Variants in ARHGAP32 observed in about 807,000 individuals in gnomAD.
ARHGAP32 encodes rho GTPase-activating protein 32.
Under a neutral mutation model 186.5 loss-of-function variants are expected in ARHGAP32, and 51 were observed. The ratio of observed to expected loss-of-function variants is 0.27; its 90% CI spans 0.22 to 0.35. The LOEUF (loss-of-function observed/expected upper bound fraction) is 0.35. ARHGAP32 is among the 10% of genes least tolerant of loss of function. The pLI is 1.00. For synonymous variants in ARHGAP32, 950 were observed against 964.3 expected (o/e 0.99, Z 0.27); for missense variants, 2,186 against 2,623.5 (o/e 0.83, Z 3.64).
chr11:129,250,835 G>A (rs1233481872), intron 1 of ARHGAP32, among the ~76,000 whole-genome samples: 1 of 152,106 alleles, frequency 6.6e-6, no homozygotes, highest in Non-Finnish European at 1.5e-5. Context: ...AGAAAAGCAA[G>A]AAGGAAGAAA....
chr11:129,158,579 C>T (rs1248470476), intron 2 of ARHGAP32, among the ~76,000 whole-genome samples: 1 of 152,154 alleles, frequency 6.6e-6, no homozygotes, highest in Non-Finnish European at 1.5e-5. Context: ...TAGAGACCTA[C>T]AAAGAGACTT....
At chr11:129,077,446 G>GTGC (rs1941078892) in intron 6 of ARHGAP32, among the ~76,000 whole-genome samples, 1 of 152,106 alleles carries the variant, frequency 6.6e-6, no homozygotes, top group South Asian at 2.1e-4. Flanking sequence ...TATAAACTTG[G>GTGC]TGCTGTTGAT....
chr11:129,099,090 T>C (rs181876842), intron 5 of ARHGAP32, among the ~76,000 whole-genome samples: 9 of 152,194 alleles, frequency 5.9e-5, no homozygotes, highest in East Asian at 3.9e-4. Flanking sequence ...AGAAAACATA[T>C]AGAAAAATGA....
intron 2 of ARHGAP32, among the ~76,000 whole-genome samples, chr11:129,129,142 G>A (rs1166759091): frequency 6.0e-5 from 9 of 150,280 alleles, no homozygotes; most frequent in African/African-American, 2.2e-4. Context: ...ACTGAGGAGT[G>A]TCTCTGCCCG....
chr11:129,024,315 T>C (rs1364312637), intron 11 of ARHGAP32: 1 of 219,452 alleles, frequency 4.6e-6, no homozygotes, highest in African/African-American at 2.3e-5. Context: ...CAGTATGAAA[T>C]TGATATTAAA....
chr11:129,225,049 G>A (rs1223372608), intron 1 of ARHGAP32, among the ~76,000 whole-genome samples: 1 of 152,112 alleles, frequency 6.6e-6, no homozygotes, highest in Non-Finnish European at 1.5e-5. Flanking sequence ...TAAGGCTGCA[G>A]TGAGCTATGA....
rs138368931 is a variant in ARHGAP32 at position 129,101,145 on chromosome 11, C to T, written c.445-7438G>A. On this transcript the variant is annotated intron_variant, in intron 5 of 22. Transcript: ENST00000682385. Reference sequence around the variant, plus strand: ...AATTTCCAGAAATGAAGCCAATCAGCTGAATCCCCTTCATAACACAATCAA... The same window carrying T: ...AATTTCCAGAAATGAAGCCAATCAGTTGAATCCCCTTCATAACACAATCAA... Among the ~76,000 whole-genome samples, 225 of 152,240 alleles carry T rather than the reference C, an allele frequency of 1.5e-3. 1 individual carries two copies. Among genetic ancestry groups the T allele is most frequent in the African/African-American group, 5.0e-3 (208 of 41,530 alleles).
At chr11:129,047,045 G>A (rs539334751) in intron 10 of ARHGAP32, among the ~76,000 whole-genome samples, 1 of 151,612 alleles carries the variant, frequency 6.6e-6, no homozygotes, top group South Asian at 2.1e-4. Flanking sequence ...GGAGAATGGT[G>A]TGAACCCAGG....
At chr11:129,222,003 T>A (rs1944718923) in intron 1 of ARHGAP32, among the ~76,000 whole-genome samples, 1 of 152,092 alleles carries the variant, frequency 6.6e-6, no homozygotes, top group South Asian at 2.1e-4. Context: ...ACCCAAAGAA[T>A]CCTGCAGATA....
chr11:129,106,882 C>G (rs1033262130), intron 5 of ARHGAP32, among the ~76,000 whole-genome samples: 1 of 152,016 alleles, frequency 6.6e-6, no homozygotes, highest in Non-Finnish European at 1.5e-5. Flanking sequence ...TTATGGAAAT[C>G]TAAGAATGAA....
chr11:129,251,748 A>ACCC (rs768311017), intron 1 of ARHGAP32, among the ~76,000 whole-genome samples: 2 of 147,034 alleles, frequency 1.4e-5, no homozygotes, highest in Non-Finnish European at 3.0e-5. Context: ...ACACGGTGAA[A>ACCC]CCCCGACTCT....
At chr11:129,208,399 T>G (rs1944542076) in intron 1 of ARHGAP32, among the ~76,000 whole-genome samples, 1 of 152,162 alleles carries the variant, frequency 6.6e-6, no homozygotes, top group African/African-American at 2.4e-5. Context: ...GCATGTTAGT[T>G]CCAAGTAATG....
intron 2 of ARHGAP32, among the ~76,000 whole-genome samples, chr11:129,146,421 C>T (rs572349419): frequency 1.3e-5 from 2 of 152,216 alleles, no homozygotes; most frequent in African/African-American, 4.8e-5. Flanking sequence ...ACCAGCATAT[C>T]CACATTGTAT....
rs771865170 is a variant in ARHGAP32 at position 128,970,001 on chromosome 11, G to A, written c.5212C>T (p.His1738Tyr). The change falls in exon 23 of 23, where the codon CAT becomes TAT. Residue 1738 changes from histidine to tyrosine, a missense_variant. Around this residue, in one of 5 missense-constraint regions of ARHGAP32, gnomAD observed 1,502 missense variants for 1,570.0 expected, o/e 0.96. Transcript: ENST00000682385. This position sits in a 1 kb window ranked among gnomAD's most constrained non-coding sequence, Gnocchi z 5.8. ...NVTGYFSPNDHNVVSMPPAAD... is the reference protein window; with the variant it reads ...NVTGYFSPNDYNVVSMPPAAD... The stretch of plus-strand genomic sequence containing the variant: ...GCCGGAGGCATGCTGACTACATTAT[G>A]GTCGTTGGGAGAGAAATAGCCAGTC... 2.4e-5 allele frequency: 39 copies of A among 1,614,074 alleles called. No individual in the cohort carries two copies. The Admixed American group carries it at 6.5e-4, about 27-fold the overall frequency.
chr11:129,003,691 T>A (rs1171184471), intron 11 of ARHGAP32, among the ~76,000 whole-genome samples: 1 of 152,176 alleles, frequency 6.6e-6, no homozygotes, highest in Non-Finnish European at 1.5e-5. Flanking sequence ...TAATAGCCAC[T>A]AATGATCCCT....
intron 1 of ARHGAP32, among the ~76,000 whole-genome samples, chr11:129,207,611 C>G (rs966884836): frequency 6.6e-6 from 1 of 151,204 alleles, no homozygotes; most frequent in Admixed American, 6.6e-5. Flanking sequence ...TGTTTAATTT[C>G]TTTGTAGATT....
chr11:129,120,885 G>A (rs914623469), intron 5 of ARHGAP32, among the ~76,000 whole-genome samples: 6 of 152,068 alleles, frequency 3.9e-5, no homozygotes, highest in Admixed American at 3.3e-4. Context: ...TTGACAGTAT[G>A]AATAACCTAC....
At chr11:129,101,296 A>C (rs1363988463) in intron 5 of ARHGAP32, among the ~76,000 whole-genome samples, 1 of 152,170 alleles carries the variant, frequency 6.6e-6, no homozygotes, top group Non-Finnish European at 1.5e-5. Flanking sequence ...AAAACTCAAA[A>C]AGCCAGAGTG....
intron 1 of ARHGAP32, among the ~76,000 whole-genome samples, chr11:129,257,721 A>C (rs68039861): frequency 0.016 from 2,363 of 146,612 alleles, 65 homozygotes; most frequent in African/African-American, 0.053. Context: ...AAAAAAAAAA[A>C]CAGAACTTCT....
Sources: allele counts gnomAD v4.1 joint callset (sites outside exome capture counted in the v4.1 genomes callset), GRCh38; gene constraint gnomAD v4.1.1; regional missense constraint gnomAD v4.1.1; non-coding constraint Gnocchi (gnomAD v3.1); transcripts MANE v1.5; gene names NCBI Gene and HGNC (gene_info 2026-07-23, HGNC 2026-07-21).